The following OSBPL9 variants were observed in gnomAD, a reference collection of about 807,000 sequenced individuals.
OSBPL9 encodes oxysterol-binding protein-related protein 9.
In OSBPL9, 40 loss-of-function variants were observed where a neutral mutation model predicts 106.6. The ratio of observed to expected loss-of-function variants is 0.38; its 90% CI spans 0.29 to 0.49. The LOEUF (loss-of-function observed/expected upper bound fraction) is 0.49. Ranked by LOEUF, OSBPL9 falls within the 20% of genes least tolerant of loss-of-function variation. OSBPL9 has a pLI of 0.97. For missense variants in OSBPL9, 609 were observed against 887.2 expected, an observed-to-expected ratio of 0.69 and a Z score of 3.98; for synonymous variants, 269 against 295.4, an observed-to-expected ratio of 0.91 and a Z score of 0.92.
At chr1:51,613,752 T>G (rs542939720), upstream of OSBPL9, among the ~76,000 whole-genome samples, 1 of 152,056 alleles carries the variant, frequency 6.6e-6, no homozygotes, top group South Asian at 2.1e-4. Context: ...TTTTTTTTTT[T>G]TTGAGACAGG....
At chr1:51,751,405 C>T (rs1380128934) in intron 8 of OSBPL9, among the ~76,000 whole-genome samples, 1 of 152,062 alleles carries the variant, frequency 6.6e-6, no homozygotes, top group Non-Finnish European at 1.5e-5. Flanking sequence ...GGCTTATGTT[C>T]TGTTTCTAGA....
At chr1:51,713,568 G>A (rs556135520) in intron 3 of OSBPL9, among the ~76,000 whole-genome samples, 182 of 152,224 alleles carry the variant, frequency 1.2e-3, no homozygotes, top group African/African-American at 4.0e-3. Context: ...TGCATTGTCC[G>A]GTCTGCAATT....
chr1:51,559,926 A>G, the OSBPL9 span, among the ~76,000 whole-genome samples: 1 of 152,302 alleles, frequency 6.6e-6, no homozygotes, highest in East Asian at 1.9e-4. Context: ...AAAAGAAAAG[A>G]AAGATACAAT....
chr1:51,541,979 C>A, the OSBPL9 span, among the ~76,000 whole-genome samples: 2 of 152,110 alleles, frequency 1.3e-5, no homozygotes, highest in Non-Finnish European at 2.9e-5. Context: ...CCTCTACCTC[C>A]CAGGCTCAAG....
the OSBPL9 span, among the ~76,000 whole-genome samples, chr1:51,554,211 G>A: frequency 6.6e-6 from 1 of 152,178 alleles, no homozygotes; most frequent in Non-Finnish European, 1.5e-5. Flanking sequence ...GAGAGAGAGA[G>A]AGAAACTGCA....
the OSBPL9 span, among the ~76,000 whole-genome samples, chr1:51,564,052 C>CAAAAAAAAAAAAAAAAAAAA: frequency 5.5e-4 from 15 of 27,368 alleles, 1 homozygote; most frequent in Non-Finnish European, 7.9e-4. Flanking sequence ...GAGATCATCT[C>CAAAAAAAAAAAAAAAAAAAA]AAAAAAAAAA....
intron 2 of OSBPL9, among the ~76,000 whole-genome samples, chr1:51,609,151 G>A (rs1241207020): frequency 6.6e-6 from 1 of 151,944 alleles, no homozygotes; most frequent in African/African-American, 2.4e-5. Context: ...ATTTTCCGTA[G>A]GCCTTAGCTT....
intron 3 of OSBPL9, among the ~76,000 whole-genome samples, chr1:51,698,366 T>A (rs1294183997): frequency 1.3e-5 from 2 of 152,088 alleles, no homozygotes; most frequent in South Asian, 2.1e-4. Context: ...ATCAGCATTT[T>A]AAAAAAATGA....
chr1:51,684,988 T>G (rs1653455381), intron 3 of OSBPL9, among the ~76,000 whole-genome samples: 1 of 151,384 alleles, frequency 6.6e-6, no homozygotes, highest in Admixed American at 6.6e-5. Context: ...CATAGCTCAC[T>G]GTGGCCTTGA....
chr1:51,655,473 T>C (rs1243280850), intron 2 of OSBPL9, among the ~76,000 whole-genome samples: 1 of 152,210 alleles, frequency 6.6e-6, no homozygotes, highest in Non-Finnish European at 1.5e-5. Flanking sequence ...CCCATTCGGC[T>C]ATCAGCTGCA....
At chr1:51,548,137 G>A in the OSBPL9 span, among the ~76,000 whole-genome samples, 6 of 152,198 alleles carry the variant, frequency 3.9e-5, no homozygotes, top group African/African-American at 1.4e-4. Context: ...GCAGAATGGT[G>A]GTGTTCAAAA....
chr1:51,565,935 A>T, the OSBPL9 span: 1 of 152,186 alleles, frequency 6.6e-6, no homozygotes, highest in Non-Finnish European at 1.5e-5. Context: ...GGGTTGTTCT[A>T]TTCATAGCTA....
intron 11 of OSBPL9, among the ~76,000 whole-genome samples, chr1:51,763,943 T>C (rs1672056632): frequency 6.6e-6 from 1 of 152,210 alleles, no homozygotes; most frequent in African/African-American, 2.4e-5. Context: ...GCTCTTCTTA[T>C]GTATATTAAT....
At chr1:51,599,397 A>G (rs1645317049) in intron 2 of OSBPL9, among the ~76,000 whole-genome samples, 1 of 152,236 alleles carries the variant, frequency 6.6e-6, no homozygotes, top group Admixed American at 6.5e-5. Flanking sequence ...TGAGTTTACC[A>G]TGTGCTCCTC....
chr1:51,664,997 G>C (rs1648091760), intron 2 of OSBPL9, among the ~76,000 whole-genome samples: 3 of 152,208 alleles, frequency 2.0e-5, no homozygotes, highest in African/African-American at 7.2e-5. Flanking sequence ...GCTCTGTGAT[G>C]ATAAGATTCA....
chr1:51,624,874 T>A (rs1277952317), intron 1 of OSBPL9, among the ~76,000 whole-genome samples: 1 of 152,200 alleles, frequency 6.6e-6, no homozygotes, highest in Non-Finnish European at 1.5e-5. Flanking sequence ...GTAAACTCCA[T>A]GATGGCAGTA....
intron 2 of OSBPL9, among the ~76,000 whole-genome samples, chr1:51,599,085 T>G (rs1462196315): frequency 2.0e-5 from 3 of 152,076 alleles, no homozygotes; most frequent in African/African-American, 7.2e-5. Flanking sequence ...TGGTGCTGCA[T>G]GACTGTAGTC....
chr1:51,781,550 G>A, intron 16 of OSBPL9: 1 of 477,156 alleles, frequency 2.1e-6, no homozygotes, highest in South Asian at 3.5e-5. Context: ...GATCTTGCAA[G>A]GTCTTGTAGA....
At chr1:51,712,355 CA>C in intron 3 of OSBPL9, among the ~76,000 whole-genome samples, 1 of 152,346 alleles carries the variant, frequency 6.6e-6, no homozygotes, top group East Asian at 1.9e-4. Flanking sequence ...GGCAGCAGTA[CA>C]GTCCAGCTTC....
Sources: gnomAD v4.1 joint callset for allele counts (sites outside exome capture counted in the v4.1 genomes callset) on GRCh38, gnomAD v4.1.1 for gene constraint, MANE v1.5 for transcripts, NCBI Gene and HGNC (gene_info 2026-07-23, HGNC 2026-07-21) for gene names.